The following COL4A2 variants were observed in gnomAD, a reference collection of about 807,000 sequenced individuals.
COL4A2 encodes collagen alpha-2(IV) chain.
COL4A2 carries 99 observed loss-of-function variants against 200.2 expected under a neutral mutation model. The ratio of observed to expected loss-of-function variants is 0.49; its 90% CI spans 0.42 to 0.58. COL4A2 has a LOEUF of 0.58. COL4A2 is among the 20% of genes least tolerant of loss of function. The probability of loss-of-function intolerance (pLI) is 0.00; values close to 1 mark genes in which losing one functional copy is unlikely to be tolerated. For synonymous variants in COL4A2, 897 were observed against 900.6 expected (o/e 1.00, Z 0.07); for missense variants, 1,950 against 2,314.1 (o/e 0.84, Z 3.23).
chr13:110,512,419 G>A lies in COL4A2; in HGVS notation c.*228G>A. 1 of 705,394 alleles carries A rather than the reference G, an allele frequency of 1.4e-6. No individual in the cohort carries two copies. The highest frequency in any genetic ancestry group is 2.3e-6 in the Non-Finnish European group (1 of 439,776). The allele number at this position is 705,394 out of a possible 1,614,324, so 43.7% of individuals were successfully genotyped here. A position where few individuals can be genotyped will look rare whatever the true frequency, so the allele number is the denominator to read the frequency against. Reference sequence around the variant, plus strand: ...CCCACAGAAAGCCAGGAGCAGCCCTGGCCCCCATCAGCCCTGCTAGACGCA... The same window carrying A: ...CCCACAGAAAGCCAGGAGCAGCCCTAGCCCCCATCAGCCCTGCTAGACGCA... On this transcript the variant is annotated 3_prime_UTR_variant, in exon 48 of 48. Transcript: ENST00000360467.
At chr13:110,481,965 G>C (rs922401645) in intron 31 of COL4A2, among the ~76,000 whole-genome samples, 2 of 148,882 alleles carry the variant, frequency 1.3e-5, no homozygotes, top group Non-Finnish European at 1.5e-5. Context: ...GAGACACACT[G>C]TTCTGTCCTT....
rs1882051617 is a variant in COL4A2, at chr13:110,462,165, T to G, written c.1648T>G (p.Ser550Ala). 6.2e-7 allele frequency: 1 copy of G among 1,614,122 alleles called. No homozygotes were observed. Reference sequence around the variant, plus strand: ...CGGACCCAAAGGAGCAAAAGGAGATTCCAGAACAATCACAACCAAAGGTGA... The same window carrying G: ...CGGACCCAAAGGAGCAAAAGGAGATGCCAGAACAATCACAACCAAAGGTGA... ...APGPKGAKGDSRTITTKGERG... is the reference protein window; with the variant it reads ...APGPKGAKGDARTITTKGERG... Residue 550 changes from serine to alanine, a missense_variant, in exon 23 of 48, where the codon TCC becomes GCC. Coordinates refer to ENST00000360467, the MANE Select transcript of COL4A2 (RefSeq NM_001846.4).
intron 3 of COL4A2, among the ~76,000 whole-genome samples, chr13:110,317,269 C>T (rs1885161271): frequency 6.6e-6 from 1 of 151,784 alleles, no homozygotes; most frequent in African/African-American, 2.4e-5. Flanking sequence ...CACACTCACA[C>T]ATACACACAG....
Position 110,487,417 on chromosome 13 carries a change from C to G in COL4A2, c.3207+1581C>G, listed in dbSNP as rs60560950. 4.9e-3 allele frequency among the ~76,000 whole-genome samples: 747 copies of G among 152,322 alleles called. 7 individuals are homozygous for G. The highest frequency in any genetic ancestry group is 0.017 in the African/African-American group (712 of 41,568). On this transcript the variant is annotated intron_variant, in intron 34 of 47. Transcript: ENST00000360467. The stretch of plus-strand genomic sequence containing the variant: ...GCAGTGAGCCGAGATTGCGCCGTTG[C>G]ACTCCAGCTTGGGTGACAAAGCAAG...
intron 20 of COL4A2, among the ~76,000 whole-genome samples, chr13:110,450,750 A>C (rs1881511873): frequency 6.6e-6 from 1 of 152,184 alleles, no homozygotes; most frequent in Non-Finnish European, 1.5e-5. Flanking sequence ...CTTCAGCGAA[A>C]CATCTGAGCT....
intron 12 of COL4A2, among the ~76,000 whole-genome samples, chr13:110,435,366 G>A (rs536180427): frequency 5.3e-5 from 8 of 152,208 alleles, no homozygotes; most frequent in African/African-American, 9.6e-5. Context: ...GAATAGTCCC[G>A]TTAGATATAA....
chr13:110,349,210 AC>A lies in COL4A2; in HGVS notation c.100-8260del, dbSNP rs201711744. 9.7e-3 allele frequency among the ~76,000 whole-genome samples: 1,472 copies of A among 152,214 alleles called. 11 individuals are homozygous for A. Among genetic ancestry groups the A allele is most frequent in the East Asian group, 0.039 (203 of 5,184 alleles). On this transcript the variant is annotated intron_variant, in intron 3 of 47. Transcript: ENST00000360467. ...TCCTGGCATTCAGGTTGTCATTTAA[AC>A]CTATTTTTTTAGTGTCCTAAATATA...
intron 4 of COL4A2, among the ~76,000 whole-genome samples, chr13:110,408,883 G>A (rs371964744): frequency 1.4e-3 from 149 of 108,664 alleles, no homozygotes; most frequent in African/African-American, 4.9e-3. Flanking sequence ...ACATGGACAC[G>A]CGCACACGTT....
chr13:110,488,930 G>A (rs1483449923), intron 34 of COL4A2, among the ~76,000 whole-genome samples: 3 of 152,122 alleles, frequency 2.0e-5, no homozygotes, highest in Admixed American at 6.5e-5. Flanking sequence ...TCACTTCACA[G>A]TTCCATAAGA....
At chr13:110,505,811 G>A (rs1883842052) in intron 45 of COL4A2, among the ~76,000 whole-genome samples, 1 of 152,140 alleles carries the variant, frequency 6.6e-6, no homozygotes, top group Non-Finnish European at 1.5e-5. Flanking sequence ...GGCCACTGCT[G>A]GGGGTGGGGG....
rs1452238828 is a variant in COL4A2 at position 110,445,869 on chromosome 13, C to T, written c.998C>T (p.Pro333Leu). 1 of 1,614,110 alleles carries T rather than the reference C, an allele frequency of 6.2e-7. No homozygotes were observed. ...GLDGYQGPDG[P>L]RGPKGEAGDP... ...GATGGCTATCAAGGGCCTGATGGAC[C>T]CCGGGGACCCAAGGTGAGCCCGTTT... Residue 333 changes from proline (P) to leucine (L), a missense_variant, in exon 17 of 48, where the codon CCC becomes CTC. Physicochemically the swap from Pro to Leu is moderately conservative, Grantham distance 98 (BLOSUM62 -3). Transcript: ENST00000360467.
chr13:110,333,389 G>A (rs1350233139), intron 3 of COL4A2, among the ~76,000 whole-genome samples: 5 of 152,160 alleles, frequency 3.3e-5, no homozygotes, highest in Non-Finnish European at 5.9e-5. Flanking sequence ...AGCCTACTTC[G>A]TCCAAGCCAG....
Position 110,486,232 on chromosome 13 carries a change from G to A in COL4A2, c.3207+396G>A, listed in dbSNP as rs149801098. Among the ~76,000 whole-genome samples the A allele has an allele frequency of 2.0e-3, 299 of 152,286 alleles. 1 individual carries two copies. Among genetic ancestry groups the A allele is most frequent in the East Asian group, 9.3e-3 (48 of 5,166 alleles). ...GGCCCGGCAGCCTGGCTTCCCATCC[G>A]GGCCACCGTTCACTCAGCCTTTGTT... is the stretch of plus-strand genomic sequence containing the variant. On this transcript the variant is annotated intron_variant, in intron 34 of 47. Coordinates refer to ENST00000360467, the MANE Select transcript of COL4A2 (RefSeq NM_001846.4).
chr13:110,403,855 A>G (rs1879465886), intron 4 of COL4A2, among the ~76,000 whole-genome samples: 1 of 152,226 alleles, frequency 6.6e-6, no homozygotes, highest in South Asian at 2.1e-4. Flanking sequence ...TGATTTATGT[A>G]CAACAGAATG....
chr13:110,435,252 C>T (rs1442655101), intron 12 of COL4A2, among the ~76,000 whole-genome samples: 7 of 152,084 alleles, frequency 4.6e-5, no homozygotes, highest in Non-Finnish European at 1.0e-4. Context: ...GAAAGAAAAA[C>T]ATTGAAGATC....
intron 28 of COL4A2, 112 bp downstream of exon 28, chr13:110,469,436 A>G (rs1391664190): frequency 1.8e-6 from 2 of 1,122,738 alleles, no homozygotes; most frequent in Non-Finnish European, 1.3e-6. Context: ...GTTTTAACAA[A>G]TACTTGACAA....
Position 110,503,868 on chromosome 13 carries a change from C to T in COL4A2, c.4160C>T (p.Ala1387Val), listed in dbSNP as rs749680471. 6.2e-7 allele frequency: 1 copy of T among 1,613,322 alleles called. No individual in the cohort carries two copies. ...CCAGGTGCCCCCGGGACTGTGGGAGCCCCCGGGATTGCAGGAATCCCCCAG... is the reference window on the plus strand; with the variant it reads ...CCAGGTGCCCCCGGGACTGTGGGAGTCCCCGGGATTGCAGGAATCCCCCAG... ...GFPGAPGTVG[A>V]PGIAGIPQKI... The change falls in exon 44 of 48, where the codon GCC (alanine) becomes GTC (valine). Residue 1387 changes from alanine (A) to valine (V), a missense_variant. This residue lies in a region of COL4A2 where 1,385 missense variants were observed against 1,720.5 expected (regional missense o/e 0.80). Transcript: ENST00000360467.
At chr13:110,492,022 G>A (rs1297777124) in intron 37 of COL4A2, 48 bp from the exon 38 acceptor site, 7 of 1,498,062 alleles carry the variant, frequency 4.7e-6, no homozygotes, top group East Asian at 2.5e-5. Context: ...ACCACACAGC[G>A]CCCAAGGTGT....
chr13:110,505,438 G>A (rs754631826), intron 45 of COL4A2, among the ~76,000 whole-genome samples: 9 of 152,202 alleles, frequency 5.9e-5, no homozygotes, highest in South Asian at 2.1e-4. Context: ...GGACAGATCC[G>A]CAGCCGGCAA....
Sources: allele counts gnomAD v4.1 joint callset (sites outside exome capture counted in the v4.1 genomes callset), GRCh38; gene constraint gnomAD v4.1.1; regional missense constraint gnomAD v4.1.1; transcripts MANE v1.5; gene names NCBI Gene and HGNC (gene_info 2026-07-23, HGNC 2026-07-21).